TMPRSS11D: variants seen among roughly 807,000 people sequenced by gnomAD.
TMPRSS11D encodes the protein transmembrane protease serine 11D.
In TMPRSS11D, 32 loss-of-function variants were observed where a neutral mutation model predicts 44.4. The observed-to-expected ratio is 0.72, with a 90% confidence interval of 0.54 to 0.97. The LOEUF is 0.97. Among genes scored for constraint, TMPRSS11D ranks in the 50% least tolerant of loss-of-function variants. The pLI is 0.00. For missense variants in TMPRSS11D, 446 were observed against 502.6 expected (o/e 0.89, Z 1.08); for synonymous variants, 179 against 177.9 (o/e 1.01, Z -0.05).
Position 67,838,259 on chromosome 4 carries a change from A to C in TMPRSS11D, c.388T>G (p.Ser130Ala). ...FQFTRNNNGASMKSRIESVLR... is the reference protein window; with the variant it reads ...FQFTRNNNGAAMKSRIESVLR... Reference sequence around the variant, plus strand: ...ACAGACTCAATTCTGCTTTTCATTGATGCTCCATTGTTATTTCTAGTGAAT... The same window carrying C: ...ACAGACTCAATTCTGCTTTTCATTGCTGCTCCATTGTTATTTCTAGTGAAT... Residue 130 changes from serine to alanine, a missense_variant, in exon 5 of 10, where the codon TCA becomes GCA. By Grantham distance (99) the Ser-to-Ala change is moderately conservative (BLOSUM62 1). Coordinates refer to ENST00000283916, the MANE Select transcript of TMPRSS11D (RefSeq NM_004262.3). The C allele has an allele frequency of 6.2e-7, 1 of 1,603,638 alleles. No homozygotes were observed. The highest frequency in any genetic ancestry group is 8.5e-7 in the Non-Finnish European group (1 of 1,175,866).
chr4:67,825,577 T>C (rs1196491131), intron 9 of TMPRSS11D, among the ~76,000 whole-genome samples, 155 bp downstream of exon 9: 1 of 152,092 alleles, frequency 6.6e-6, no homozygotes, highest in Non-Finnish European at 1.5e-5. Context: ...ACTTCATTCA[T>C]AAAAAAATTT....
chr4:67,874,105 C>T (rs1417112572), intron 1 of TMPRSS11D, among the ~76,000 whole-genome samples: 1 of 152,016 alleles, frequency 6.6e-6, no homozygotes, highest in African/African-American at 2.4e-5. Flanking sequence ...TTACAATTGC[C>T]TACAGTATTC....
At chr4:67,823,480 A>C (rs886832787) in intron 9 of TMPRSS11D, among the ~76,000 whole-genome samples, 3 of 152,152 alleles carry the variant, frequency 2.0e-5, no homozygotes, top group African/African-American at 7.2e-5. Flanking sequence ...AAGCTGGTGA[A>C]TAGCTCTCTG....
intron 1 of TMPRSS11D, among the ~76,000 whole-genome samples, chr4:67,878,620 T>C (rs1719249869): frequency 6.6e-6 from 1 of 152,070 alleles, no homozygotes; most frequent in Non-Finnish European, 1.5e-5. Flanking sequence ...AATGAATGAA[T>C]AAAGTATAAT....
chr4:67,846,900 C>G (rs929135567), intron 3 of TMPRSS11D, among the ~76,000 whole-genome samples: 8 of 93,914 alleles, frequency 8.5e-5, no homozygotes, highest in Non-Finnish European at 1.5e-4. Context: ...TGAATTTTAT[C>G]TAAAAAGTGA....
intron 3 of TMPRSS11D, among the ~76,000 whole-genome samples, chr4:67,844,736 G>A (rs547613330): frequency 4.0e-5 from 6 of 151,868 alleles, no homozygotes; most frequent in South Asian, 4.2e-4. Context: ...TCAAGATCGC[G>A]CCAGTACACT....
intron 1 of TMPRSS11D, among the ~76,000 whole-genome samples, chr4:67,878,559 G>T (rs1475599367): frequency 1.3e-5 from 2 of 152,164 alleles, no homozygotes; most frequent in African/African-American, 4.8e-5. Context: ...TTCCAGTGCT[G>T]TATATCTAGC....
At chr4:67,865,013 A>C (rs1413072375) in intron 1 of TMPRSS11D, among the ~76,000 whole-genome samples, 2 of 152,004 alleles carry the variant, frequency 1.3e-5, no homozygotes, top group East Asian at 3.8e-4. Flanking sequence ...ACTTAGACCA[A>C]ATGGACCTAA....
chr4:67,882,282 A>T (rs1719338091), intron 1 of TMPRSS11D, among the ~76,000 whole-genome samples: 2 of 152,220 alleles, frequency 1.3e-5, no homozygotes, highest in African/African-American at 4.8e-5. Context: ...ACCTAAAAAA[A>T]GTATATTGTA....
At chr4:67,879,333 T>C (rs192598363) in intron 1 of TMPRSS11D, among the ~76,000 whole-genome samples, 1,778 of 151,398 alleles carry the variant, frequency 0.012, 39 homozygotes, top group African/African-American at 0.041. Flanking sequence ...TACAAAAAAT[T>C]AGCCGGGCGC....
chr4:67,867,646 C>A (rs551147397), intron 1 of TMPRSS11D, among the ~76,000 whole-genome samples: 1 of 152,058 alleles, frequency 6.6e-6, no homozygotes, highest in African/African-American at 2.4e-5. Context: ...AACACAATAA[C>A]CCCCTTAAAG....
chr4:67,822,290 C>G lies in TMPRSS11D; in HGVS notation c.*47G>C. ...AAATGTAAAGCTTTGGAATTTAAGA[C>G]AGGCACACCTGCATACAGACTTTGC... On this transcript the variant is annotated 3_prime_UTR_variant, in exon 10 of 10. Coordinates refer to ENST00000283916, the MANE Select transcript of TMPRSS11D (RefSeq NM_004262.3). 2 of 1,572,816 alleles carry G rather than the reference C, an allele frequency of 1.3e-6. No individual in the cohort carries two copies. Among genetic ancestry groups the G allele is most frequent in the Non-Finnish European group, 1.7e-6 (2 of 1,152,892 alleles).
chr4:67,825,701 G>T (rs1448267761), intron 9 of TMPRSS11D, 31 bp downstream of exon 9: 2 of 1,609,278 alleles, frequency 1.2e-6, no homozygotes, highest in South Asian at 2.2e-5. Flanking sequence ...CTTCTTGGAT[G>T]ATGACATGGA....
chr4:67,854,011 T>C, intron 3 of TMPRSS11D, 57 bp downstream of exon 3: 1 of 1,048,854 alleles, frequency 9.5e-7, no homozygotes, highest in Non-Finnish European at 1.4e-6. Context: ...AAACATTAGG[T>C]TTATTATCAT....
chr4:67,859,543 G>GTT lies in TMPRSS11D; in HGVS notation c.130+12_130+13dup. The GTT allele has an allele frequency of 6.2e-7, 1 of 1,612,330 alleles. No homozygotes were observed. The highest frequency in any genetic ancestry group is 8.5e-7 in the Non-Finnish European group (1 of 1,178,780). ...GCTATTAAATCTGAAGAGTAATAAT[G>GTT]TTCTGGTACTTACCAAAAGCTAAAA... On this transcript the variant is annotated intron_variant, in intron 2 of 9. Coordinates refer to ENST00000283916, the MANE Select transcript of TMPRSS11D (RefSeq NM_004262.3).
chr4:67,882,449 T>C (rs896483676), intron 1 of TMPRSS11D, among the ~76,000 whole-genome samples: 12 of 152,190 alleles, frequency 7.9e-5, no homozygotes, highest in African/African-American at 2.9e-4. Flanking sequence ...AGGTTGGCTC[T>C]GATTGAGTGT....
At chr4:67,842,192 G>A (rs1248094159) in intron 4 of TMPRSS11D, among the ~76,000 whole-genome samples, 1 of 152,088 alleles carries the variant, frequency 6.6e-6, no homozygotes, top group Non-Finnish European at 1.5e-5. Flanking sequence ...GATCTTGGAT[G>A]GATACACCCA....
At chr4:67,840,366 C>T (rs2109671012) in intron 4 of TMPRSS11D, among the ~76,000 whole-genome samples, 1 of 152,180 alleles carries the variant, frequency 6.6e-6, no homozygotes, top group East Asian at 1.9e-4. Flanking sequence ...CACAAGGTCC[C>T]TCCCACAACA....
chr4:67,859,700 A>T (rs374431793), intron 1 of TMPRSS11D, 22 bp from the exon 2 acceptor site: 3 of 1,610,796 alleles, frequency 1.9e-6, no homozygotes, highest in Admixed American at 1.7e-5. Context: ...GAGAGATCAA[A>T]GAAAGTCATT....
Sources: gnomAD v4.1 joint callset for allele counts (sites outside exome capture counted in the v4.1 genomes callset) on GRCh38, gnomAD v4.1.1 for gene constraint, MANE v1.5 for transcripts, NCBI Gene and HGNC (gene_info 2026-07-23, HGNC 2026-07-21) for gene names.